ODC1: variants seen among roughly 807,000 people sequenced by gnomAD.
ODC1 encodes ornithine decarboxylase.
In ODC1, 18 loss-of-function variants were observed where a neutral mutation model predicts 41.5. The observed-to-expected ratio is 0.43, with a 90% CI of 0.30 to 0.64. The LOEUF (loss-of-function observed/expected upper bound fraction) is 0.64. ODC1 is among the 30% of genes least tolerant of loss of function. ODC1 has a pLI of 0.11. For missense variants in ODC1, 504 were observed against 589.0 expected (o/e 0.86, Z 1.49); for synonymous variants, 218 against 211.6 (o/e 1.03, Z -0.26).
Position 10,444,484 on chromosome 2 carries a change from C to T in ODC1, c.266G>A (p.Cys89Tyr). The change falls in exon 4 of 12, where the codon TGT (cysteine) becomes TAT (tyrosine). Residue 89 changes from cysteine to tyrosine, a missense_variant. By Grantham distance (194) the Cys-to-Tyr change is radical. This residue lies in a region of ODC1 where 447 missense variants were observed against 524.4 expected (regional missense o/e 0.85). Transcript: ENST00000234111. ...TLAATGTGFD[C>Y]ASKTEIQLVQ... is the part of the protein sequence containing the mutation. Reference sequence around the variant, plus strand: ...GCTGCTATCGCTTACCTTGCTAGCACAGTCAAATCCTGTCCCGGTAGCAGC... The same window carrying T: ...GCTGCTATCGCTTACCTTGCTAGCATAGTCAAATCCTGTCCCGGTAGCAGC... 1 of 1,611,298 alleles carries T rather than the reference C, an allele frequency of 6.2e-7. No homozygotes were observed. The highest frequency in any genetic ancestry group is 8.5e-7 in the Non-Finnish European group (1 of 1,178,968).
chr2:10,440,915 C>T (rs942902796), intron 11 of ODC1, 47 bp from the exon 12 acceptor site: 2 of 1,606,808 alleles, frequency 1.2e-6, no homozygotes, highest in Non-Finnish European at 1.7e-6. Context: ...TCACTCCTAA[C>T]TGGGCATGAG....
In ODC1 at chr2:10,440,653, TTAAG is replaced by T. The variant is rs1671790474; in HGVS notation, c.*67_*70del. 2.0e-6 allele frequency: 3 copies of T among 1,514,080 alleles called. No individual in the cohort carries two copies. Among genetic ancestry groups the T allele is most frequent in the Non-Finnish European group, 2.7e-6 (3 of 1,109,918 alleles). The allele number at this position is 1,514,080 out of a possible 1,614,324, so 93.8% of individuals were successfully genotyped here. On this transcript the variant is annotated 3_prime_UTR_variant, in exon 12 of 12. Transcript: ENST00000234111. ...AAAGACATTTCAAAACTAGCAGTAA[TTAAG>T]TTACATGGTCCCCCCAAATCCCTTA...
In ODC1 at chr2:10,440,503, G is replaced by A. The variant is rs1175897656; in HGVS notation, c.*221C>T. ...CAGCTGAGGGGCACTCTTGAGTAGC[G>A]TGTCTGAAGAGTGAATAAAAATCCA... On this transcript the variant is annotated 3_prime_UTR_variant, in exon 12 of 12. Coordinates refer to ENST00000234111, the MANE Select transcript of ODC1 (RefSeq NM_002539.3). The A allele has an allele frequency of 2.5e-5, 11 of 436,118 alleles. No homozygotes were observed. The highest frequency in any genetic ancestry group is 1.4e-4 in the South Asian group (4 of 28,776). The allele number at this position is 436,118 out of a possible 1,614,324, so 27.0% of individuals were successfully genotyped here. A position where few individuals can be genotyped will look rare whatever the true frequency, so the allele number is the denominator to read the frequency against.
In ODC1 at chr2:10,445,050, C is replaced by G; in HGVS notation, c.-17-1G>C. ...TTGTTCATGATTTCTTGATGTTCCT[C>G]TGAAATGCAACAAAATGCAAATAGA... On this transcript the variant is annotated splice_acceptor_variant, in intron 2 of 11. Coordinates refer to ENST00000234111, the MANE Select transcript of ODC1 (RefSeq NM_002539.3). LOFTEE classifies it low-confidence loss of function (5UTR_SPLICE). The G allele has an allele frequency of 6.6e-7, 1 of 1,522,354 alleles. No individual in the cohort carries two copies. The highest frequency in any genetic ancestry group is 9.1e-7 in the Non-Finnish European group (1 of 1,096,532). 94.3% of individuals were successfully genotyped at this position (1,522,354 alleles called of 1,614,324 possible).
chr2:10,444,974 G>A lies in ODC1; in HGVS notation c.59C>T (p.Ala20Val), dbSNP rs1301661149. 2 of 1,613,756 alleles carry A rather than the reference G, an allele frequency of 1.2e-6. No homozygotes were observed. Reference protein sequence around the residue: ...DCHFLDEGFTAKDILDQKINE... With the variant: ...DCHFLDEGFTVKDILDQKINE... Reference sequence around the variant, plus strand: ...AATTTTCTGGTCCAGAATGTCCTTGGCAGTAAAACCTTCATCGAGGAAGTG... The same window carrying A: ...AATTTTCTGGTCCAGAATGTCCTTGACAGTAAAACCTTCATCGAGGAAGTG... Residue 20 changes from alanine to valine, a missense_variant, in exon 3 of 12, where the codon GCC becomes GTC. Physicochemically the swap from Ala to Val is moderately conservative, Grantham distance 64. Around this residue, in one of 3 missense-constraint regions of ODC1, gnomAD observed 53 missense variants for 46.3 expected, o/e 1.14. Transcript: ENST00000234111.
intron 1 of ODC1, among the ~76,000 whole-genome samples, chr2:10,447,225 A>C (rs1373247046): frequency 1.3e-5 from 2 of 152,212 alleles, no homozygotes; most frequent in Non-Finnish European, 2.9e-5. Flanking sequence ...GTCTTTCTGT[A>C]ACAGCTAAGT....
At chr2:10,443,445 G>T (rs768040994) in intron 7 of ODC1, 45 bp downstream of exon 7, 4 of 1,585,438 alleles carry the variant, frequency 2.5e-6, no homozygotes, top group Non-Finnish European at 2.6e-6. Flanking sequence ...ACTAGTTATT[G>T]TCAGTTGTGT....
In ODC1 at chr2:10,441,837, C is replaced by G. The variant is rs771224248; in HGVS notation, c.1006G>C (p.Val336Leu). Residue 336 changes from valine (V) to leucine (L), a missense_variant, in exon 10 of 12, where the codon GTA (valine) becomes CTA (leucine). Coordinates refer to ENST00000234111, the MANE Select transcript of ODC1 (RefSeq NM_002539.3). ...FNCILYDHAH[V>L]KPLLQKRPKP... Reference sequence around the variant, plus strand: ...ATTACCTTTTGCAGAAGGGGCTTTACATGTGCGTGGTCATAGAGTATGCAA... The same window carrying G: ...ATTACCTTTTGCAGAAGGGGCTTTAGATGTGCGTGGTCATAGAGTATGCAA... 1 of 1,614,174 alleles carries G rather than the reference C, an allele frequency of 6.2e-7. No homozygotes were observed. The highest frequency in any genetic ancestry group is 8.5e-7 in the Non-Finnish European group (1 of 1,180,010).
At chr2:10,444,678 T>C in intron 3 of ODC1, 31 bp from the exon 4 acceptor site, 2 of 1,589,574 alleles carry the variant, frequency 1.3e-6, no homozygotes, top group Non-Finnish European at 1.7e-6. Context: ...GGTGACTCAC[T>C]AGCAGCCTCA....
intron 8 of ODC1, 24 bp downstream of exon 8, chr2:10,443,206 T>C: frequency 6.4e-7 from 1 of 1,556,822 alleles, no homozygotes; most frequent in South Asian, 1.1e-5. Flanking sequence ...GGCTACTGAG[T>C]ATTACAGTTT....
intron 1 of ODC1, chr2:10,447,841 G>A (rs993386560): frequency 2.6e-5 from 4 of 152,416 alleles, no homozygotes; most frequent in Admixed American, 2.6e-4. Flanking sequence ...AGAGGCCGGC[G>A]CGGGGCCGCA....
intron 7 of ODC1, 85 bp from the exon 8 acceptor site, chr2:10,443,398 GAACC>G (rs1671897302): frequency 6.4e-7 from 1 of 1,551,426 alleles, no homozygotes; most frequent in Non-Finnish European, 8.9e-7. Flanking sequence ...ATGTAATACA[GAACC>G]AACTGCCATA....
chr2:10,448,009 C>G (rs1300130905), intron 1 of ODC1, 112 bp downstream of exon 1: 1 of 153,474 alleles, frequency 6.5e-6, no homozygotes, highest in South Asian at 2.1e-4. Flanking sequence ...GACCACGTGT[C>G]TCCGCAGGCC....
At chr2:10,446,465 T>C (rs1015175620) in intron 1 of ODC1, among the ~76,000 whole-genome samples, 4 of 152,226 alleles carry the variant, frequency 2.6e-5, no homozygotes, top group Non-Finnish European at 4.4e-5. Flanking sequence ...TAAACCAGCG[T>C]TGCCTACCAA....
chr2:10,446,132 A>T (rs1053545015), intron 1 of ODC1, among the ~76,000 whole-genome samples: 20 of 134,580 alleles, frequency 1.5e-4, no homozygotes, highest in Non-Finnish European at 3.0e-4. Context: ...AGAATTCAGT[A>T]TTTTTTTTTT....
chr2:10,444,990 C>G lies in ODC1; in HGVS notation c.43G>C (p.Asp15His). ...GNEEFDCHFL[D>H]EGFTAKDILD... The stretch of plus-strand genomic sequence containing the variant: ...ATGTCCTTGGCAGTAAAACCTTCAT[C>G]GAGGAAGTGGCAGTCAAACTCTTCA... Residue 15 changes from aspartate to histidine, a missense_variant, in exon 3 of 12, where the codon GAT (aspartate) becomes CAT (histidine). Coordinates refer to ENST00000234111, the MANE Select transcript of ODC1 (RefSeq NM_002539.3). The G allele has an allele frequency of 6.2e-7, 1 of 1,613,910 alleles. No individual in the cohort carries two copies. Among genetic ancestry groups the G allele is most frequent in the Non-Finnish European group, 8.5e-7 (1 of 1,179,846 alleles).
chr2:10,445,084 AT>A, intron 2 of ODC1, 35 bp from the exon 3 acceptor site: 1 of 1,114,272 alleles, frequency 9.0e-7, no homozygotes, highest in South Asian at 1.2e-5. Flanking sequence ...GAGTGGAGAA[AT>A]TCACTTAGAA....
rs1671826816 is a variant in ODC1 at position 10,441,725 on chromosome 2, T to C, written c.1027-2A>G. ...ATACTTCTCATCTGGTTTAGGTCTCTATATAAAGAGACGGAGAGAGGAAGT... is the reference window on the plus strand; with the variant it reads ...ATACTTCTCATCTGGTTTAGGTCTCCATATAAAGAGACGGAGAGAGGAAGT... On this transcript the variant is annotated splice_acceptor_variant, in intron 10 of 11. Coordinates refer to ENST00000234111, the MANE Select transcript of ODC1 (RefSeq NM_002539.3). LOFTEE classifies it high-confidence loss of function. 6.2e-7 allele frequency: 1 copy of C among 1,614,016 alleles called. No homozygotes were observed. Among genetic ancestry groups the C allele is most frequent in the Non-Finnish European group, 8.5e-7 (1 of 1,179,892 alleles).
At chr2:10,444,412 C>A in intron 4 of ODC1, 62 bp downstream of exon 4, 1 of 1,535,004 alleles carries the variant, frequency 6.5e-7, no homozygotes, top group Non-Finnish European at 8.8e-7. Flanking sequence ...CTTGTATCTG[C>A]CTCGTGGGGA....
Sources: allele counts gnomAD v4.1 joint callset (sites outside exome capture counted in the v4.1 genomes callset), GRCh38; gene constraint gnomAD v4.1.1; regional missense constraint gnomAD v4.1.1; transcripts MANE v1.5; gene names NCBI Gene and HGNC (gene_info 2026-07-23, HGNC 2026-07-21).